DYNC2I2: variants seen among roughly 807,000 people sequenced by gnomAD.
DYNC2I2 encodes the protein cytoplasmic dynein 2 intermediate chain 2.
A neutral mutation model predicts 52.0 loss-of-function variants in DYNC2I2; 39 were observed. The observed-to-expected ratio is 0.75, with a 90% CI of 0.58 to 0.98. The LOEUF (loss-of-function observed/expected upper bound fraction) is 0.98. DYNC2I2 is among the 50% of genes least tolerant of loss of function. DYNC2I2 has a pLI of 0.00. For synonymous variants in DYNC2I2, 359 were observed against 321.1 expected (o/e 1.12, Z -1.26); for missense variants, 743 against 728.4 (o/e 1.02, Z -0.23).
At chr9:128,636,141 C>T in intron 4 of DYNC2I2, 140 bp downstream of exon 4, 1 of 1,318,904 alleles carries the variant, frequency 7.6e-7, no homozygotes, top group Non-Finnish European at 1.1e-6. Context: ...CAGACCTTCA[C>T]CTGGGCTCCA....
In DYNC2I2 at chr9:128,634,125, C is replaced by T. The variant is rs558250544; in HGVS notation, c.1372+101G>A. ...GGTTGCTGGAGGGAAGCCGTCCTTACCCCCATGTGTGGTCTTTTCCCCAAC... is the reference window on the plus strand; with the variant it reads ...GGTTGCTGGAGGGAAGCCGTCCTTATCCCCATGTGTGGTCTTTTCCCCAAC... On this transcript the variant is annotated intron_variant, in intron 8 of 8. Transcript: ENST00000372715. 1.3e-5 allele frequency: 20 copies of T among 1,570,356 alleles called. No homozygotes were observed. The African/African-American group carries it at 2.4e-4, about 19-fold the overall frequency.
rs141898750 is a variant in DYNC2I2 at position 128,635,691 on chromosome 9, C to T, written c.780G>A (p.Leu260=). The stretch of plus-strand genomic sequence containing the variant: ...CAGGGTCTGTGTGGGTGTCATCCGT[C>T]AGGCCTGTGCGCCACAGCAGCGGGT... ...LEDPLLWRTG[L]TDDTHTDPVS... The change falls in exon 5 of 9, where the codon CTG becomes CTA. Residue 260 remains leucine, a synonymous_variant. Coordinates refer to ENST00000372715, the MANE Select transcript of DYNC2I2 (RefSeq NM_052844.4). The T allele has an allele frequency of 3.1e-6, 5 of 1,611,980 alleles. No individual in the cohort carries two copies. The African/African-American group carries it at 6.7e-5, about 22-fold the overall frequency.
At chr9:128,636,107 A>C (rs1026100241) in intron 4 of DYNC2I2, 174 bp downstream of exon 4, 75 of 1,025,650 alleles carry the variant, frequency 7.3e-5, no homozygotes, top group Non-Finnish European at 1.0e-4. Context: ...TCCTCCCCCG[A>C]GTTCCACCCC....
At chr9:128,669,153 CAGG>C in the DYNC2I2 span, among the ~76,000 whole-genome samples, 1 of 151,932 alleles carries the variant, frequency 6.6e-6, no homozygotes, top group Admixed American at 6.6e-5. Flanking sequence ...ATCACGAGGT[CAGG>C]AGATCAAGAC....
chr9:128,669,303 T>G, the DYNC2I2 span, among the ~76,000 whole-genome samples: 1 of 151,978 alleles, frequency 6.6e-6, no homozygotes. Context: ...AAGTGTAGCT[T>G]GCAGTGAGCC....
chr9:128,648,704 G>A (rs1488638737), intron 1 of DYNC2I2, among the ~76,000 whole-genome samples: 1 of 151,992 alleles, frequency 6.6e-6, no homozygotes, highest in Non-Finnish European at 1.5e-5. Flanking sequence ...GGTGGCTGAG[G>A]TGGGAGGATT....
chr9:128,675,593 T>C, the DYNC2I2 span, among the ~76,000 whole-genome samples: 1 of 152,202 alleles, frequency 6.6e-6, no homozygotes, highest in African/African-American at 2.4e-5. Context: ...CAGCGCCACA[T>C]GTAGGTCCAG....
chr9:128,655,344 A>C (rs1366757430), intron 1 of DYNC2I2, among the ~76,000 whole-genome samples: 3 of 126,284 alleles, frequency 2.4e-5, no homozygotes, highest in Non-Finnish European at 3.4e-5. Flanking sequence ...CTAAAAAAAA[A>C]AAAAAAAAAA....
the DYNC2I2 span, among the ~76,000 whole-genome samples, chr9:128,662,240 A>C: frequency 6.6e-6 from 1 of 151,630 alleles, no homozygotes; most frequent in Non-Finnish European, 1.5e-5. Flanking sequence ...CTTGGGGAAA[A>C]AAAAAAAGAG....
the DYNC2I2 span, among the ~76,000 whole-genome samples, chr9:128,664,407 A>C: frequency 6.6e-6 from 1 of 151,822 alleles, no homozygotes; most frequent in Admixed American, 6.6e-5. Context: ...TATATTAGAC[A>C]CTCTATAAGT....
the DYNC2I2 span, among the ~76,000 whole-genome samples, chr9:128,668,000 C>CG: frequency 1.0e-5 from 1 of 97,518 alleles, no homozygotes; most frequent in African/African-American, 4.7e-5. Flanking sequence ...CCCGCTCTGT[C>CG]ACCAGGCTGG....
At chr9:128,644,275 CTTTTTT>C (rs10660438) in intron 1 of DYNC2I2, among the ~76,000 whole-genome samples, 182 of 146,896 alleles carry the variant, frequency 1.2e-3, no homozygotes, top group African/African-American at 4.4e-3. Flanking sequence ...CCCAGGCGGC[CTTTTTT>C]TTTTTTTGAG....
the DYNC2I2 span, among the ~76,000 whole-genome samples, chr9:128,673,242 T>C: frequency 6.6e-6 from 1 of 152,128 alleles, no homozygotes; most frequent in African/African-American, 2.4e-5. Context: ...TAATGCAAGA[T>C]TAAAAAATAC....
At chr9:128,660,388 G>T (rs1051076903), upstream of DYNC2I2, among the ~76,000 whole-genome samples, 1 of 151,646 alleles carries the variant, frequency 6.6e-6, no homozygotes, top group African/African-American at 2.4e-5. Context: ...GGGATTACAG[G>T]CATGAGCCAC....
At chr9:128,635,356 A>C in intron 5 of DYNC2I2, 97 bp from the exon 6 acceptor site, 1 of 1,435,756 alleles carries the variant, frequency 7.0e-7, no homozygotes, top group Non-Finnish European at 9.2e-7. Flanking sequence ...GGAAAAAAAA[A>C]AATTCTCCGG....
In DYNC2I2 at chr9:128,654,446, T is replaced by G. The variant is rs1860778369; in HGVS notation, c.186+2095A>C. 2.0e-5 allele frequency among the ~76,000 whole-genome samples: 3 copies of G among 152,084 alleles called. No individual in the cohort carries two copies. The South Asian group carries it at 6.2e-4, about 32-fold the overall frequency. On this transcript the variant is annotated intron_variant, in intron 1 of 8. Transcript: ENST00000372715. Reference sequence around the variant, plus strand: ...CAGCCCCCACCTGACCTGCCTTTCCTTTCCTTACCCTCTCTGACCTCACCT... The same window carrying G: ...CAGCCCCCACCTGACCTGCCTTTCCGTTCCTTACCCTCTCTGACCTCACCT...
At chr9:128,669,614 T>A in the DYNC2I2 span, among the ~76,000 whole-genome samples, 4 of 152,096 alleles carry the variant, frequency 2.6e-5, no homozygotes, top group Admixed American at 6.6e-5. Context: ...GGAGAATCGC[T>A]TGAACCTAGG....
chr9:128,674,788 C>A, the DYNC2I2 span, among the ~76,000 whole-genome samples: 1 of 152,084 alleles, frequency 6.6e-6, no homozygotes, highest in Non-Finnish European at 1.5e-5. Flanking sequence ...CCATGTCGTG[C>A]GGCTGGTCTC....
At chr9:128,669,209 CA>C in the DYNC2I2 span, among the ~76,000 whole-genome samples, 2 of 151,614 alleles carry the variant, frequency 1.3e-5, no homozygotes, top group Admixed American at 6.6e-5. Context: ...ACTAAAAATA[CA>C]AAAAATTAGC....
Sources: gnomAD v4.1 joint callset for allele counts (sites outside exome capture counted in the v4.1 genomes callset) on GRCh38, gnomAD v4.1.1 for gene constraint, MANE v1.5 for transcripts, NCBI Gene and HGNC (gene_info 2026-07-23, HGNC 2026-07-21) for gene names.